The following NFIB variants were observed in gnomAD, a reference collection of about 807,000 sequenced individuals.
NFIB encodes nuclear factor 1 B-type.
A neutral mutation model predicts 61.5 loss-of-function variants in NFIB; 11 were observed. The ratio of observed to expected loss-of-function variants is 0.18; its 90% CI spans 0.11 to 0.30. The LOEUF (loss-of-function observed/expected upper bound fraction) is 0.30, where lower values mean the gene tolerates loss of function less well. Among genes scored for constraint, NFIB ranks in the 10% least tolerant of loss-of-function variants. The pLI, the probability that NFIB is intolerant of heterozygous loss-of-function variation, is 1.00. For synonymous variants in NFIB, 260 were observed against 216.5 expected, an observed-to-expected ratio of 1.20 and a Z score of -1.76; for missense variants, 471 against 608.9, an observed-to-expected ratio of 0.77 and a Z score of 2.38.
intron 6 of NFIB, among the ~76,000 whole-genome samples, chr9:14,143,480 T>G (rs2041968267): frequency 6.6e-6 from 1 of 152,180 alleles, no homozygotes; most frequent in South Asian, 2.1e-4. Flanking sequence ...TCATATTTAA[T>G]AAATCAATTT....
intron 10 of NFIB, among the ~76,000 whole-genome samples, chr9:14,103,344 G>A (rs578024719): frequency 6.9e-6 from 1 of 144,460 alleles, no homozygotes; most frequent in Non-Finnish European, 1.5e-5. Flanking sequence ...ATCTGGGTTG[G>A]GGGGGGGGAA....
At chr9:14,218,917 C>T (rs530059695) in intron 2 of NFIB, among the ~76,000 whole-genome samples, 130 of 152,314 alleles carry the variant, frequency 8.5e-4, no homozygotes, top group South Asian at 8.5e-3. Context: ...CGAAGTACCA[C>T]ATGGAGAAAC....
At chr9:14,136,150 G>A (rs2041017272) in intron 6 of NFIB, among the ~76,000 whole-genome samples, 1 of 152,188 alleles carries the variant, frequency 6.6e-6, no homozygotes, top group South Asian at 2.1e-4. Flanking sequence ...TGCTAAAACA[G>A]TGAATATGGA....
chr9:14,345,167 A>G (rs1229075925), intron 1 of NFIB, among the ~76,000 whole-genome samples: 1 of 152,026 alleles, frequency 6.6e-6, no homozygotes, highest in Non-Finnish European at 1.5e-5. Flanking sequence ...TTGAAAGGAG[A>G]GCTGCTTTTT....
At chr9:14,111,361 A>G (rs1183186894) in intron 10 of NFIB, among the ~76,000 whole-genome samples, 1 of 152,212 alleles carries the variant, frequency 6.6e-6, no homozygotes, top group Non-Finnish European at 1.5e-5. Context: ...TGGAGGAGGA[A>G]GGCTGCCTCC....
chr9:14,488,385 G>A, the NFIB span, among the ~76,000 whole-genome samples: 1 of 151,492 alleles, frequency 6.6e-6, no homozygotes, highest in African/African-American at 2.4e-5. Flanking sequence ...AAAATCACCT[G>A]AAAAGTTTGT....
the NFIB span, among the ~76,000 whole-genome samples, chr9:14,513,287 C>A: frequency 2.0e-5 from 3 of 151,668 alleles, no homozygotes; most frequent in Non-Finnish European, 4.4e-5. Flanking sequence ...ATTTGTTTTC[C>A]CCATCTTCCT....
chr9:14,480,877 C>T, the NFIB span, among the ~76,000 whole-genome samples: 2 of 152,072 alleles, frequency 1.3e-5, no homozygotes, highest in South Asian at 4.1e-4. Context: ...TTTTGCATCA[C>T]TCCTGCTGGA....
At chr9:14,286,369 G>A (rs1269437332) in intron 2 of NFIB, among the ~76,000 whole-genome samples, 2 of 152,052 alleles carry the variant, frequency 1.3e-5, no homozygotes, top group Non-Finnish European at 2.9e-5. Context: ...CCAACCTCCT[G>A]CAAAAAAAGC....
At chr9:14,093,228 G>A (rs1386435068) in intron 10 of NFIB, among the ~76,000 whole-genome samples, 1 of 152,048 alleles carries the variant, frequency 6.6e-6, no homozygotes, top group African/African-American at 2.4e-5. Flanking sequence ...TAGCCTGTGT[G>A]TATTTGATAA....
the NFIB span, among the ~76,000 whole-genome samples, chr9:14,407,123 C>G: frequency 1.1e-4 from 17 of 152,236 alleles, no homozygotes; most frequent in Admixed American, 1.3e-4. Context: ...ATTTGTTACC[C>G]AGAATTGGTT....
chr9:14,367,965 A>C (rs983590367), intron 1 of NFIB, among the ~76,000 whole-genome samples: 1 of 152,100 alleles, frequency 6.6e-6, no homozygotes, highest in Non-Finnish European at 1.5e-5. Context: ...CCTCCATGGC[A>C]CGTGTATACC....
chr9:14,491,248 G>A, the NFIB span, among the ~76,000 whole-genome samples: 1 of 152,132 alleles, frequency 6.6e-6, no homozygotes, highest in Non-Finnish European at 1.5e-5. Context: ...TAAGCACCCT[G>A]TGTTAGCTAC....
At chr9:14,183,269 G>A (rs2046999782) in intron 2 of NFIB, among the ~76,000 whole-genome samples, 1 of 152,158 alleles carries the variant, frequency 6.6e-6, no homozygotes. Flanking sequence ...GCTCTTAGCA[G>A]CTGTCATGCT....
chr9:14,109,931 AATT>A (rs1187394075), intron 10 of NFIB, among the ~76,000 whole-genome samples: 1 of 152,100 alleles, frequency 6.6e-6, no homozygotes, highest in Non-Finnish European at 1.5e-5. Flanking sequence ...CATCAGCAAT[AATT>A]ATTATAAAAA....
chr9:14,482,821 A>G, the NFIB span, among the ~76,000 whole-genome samples: 3 of 152,226 alleles, frequency 2.0e-5, no homozygotes, highest in Admixed American at 1.3e-4. Context: ...TTTAGCATCT[A>G]AATACATATT....
intron 3 of NFIB, among the ~76,000 whole-genome samples, chr9:14,160,090 G>C (rs1337096589): frequency 6.6e-6 from 1 of 152,152 alleles, no homozygotes; most frequent in Non-Finnish European, 1.5e-5. Flanking sequence ...GCATTTGTGT[G>C]ATGCTGTATT....
At chr9:14,089,410 A>G (rs7023575) in intron 10 of NFIB, among the ~76,000 whole-genome samples, 12,528 of 151,768 alleles carry the variant, frequency 0.083, 1,729 homozygotes, top group African/African-American at 0.28. Flanking sequence ...AATTGCTACT[A>G]GCATAATCTC....
chr9:14,177,529 C>T (rs1425467694), intron 3 of NFIB, among the ~76,000 whole-genome samples: 1 of 151,902 alleles, frequency 6.6e-6, no homozygotes, highest in Non-Finnish European at 1.5e-5. Flanking sequence ...TATTATAATA[C>T]ACAAGGCATA....
Sources: allele counts gnomAD v4.1 joint callset (sites outside exome capture counted in the v4.1 genomes callset), GRCh38; gene constraint gnomAD v4.1.1; transcripts MANE v1.5; gene names NCBI Gene and HGNC (gene_info 2026-07-23, HGNC 2026-07-21).